The following IQCM variants were observed in gnomAD, a reference collection of about 807,000 sequenced individuals.
The protein encoded by IQCM is IQ motif containing M, also known as IQ domain-containing protein M.
In IQCM, 45 loss-of-function variants were observed where a neutral mutation model predicts 57.6. The observed-to-expected ratio is 0.78, with a 90% CI of 0.62 to 1.00. The LOEUF is 1.00. IQCM is among the 50% of genes least tolerant of loss of function. The pLI is 0.00. For synonymous variants in IQCM, 148 were observed against 158.9 expected, an observed-to-expected ratio of 0.93 and a Z score of 0.51; for missense variants, 468 against 511.6, an observed-to-expected ratio of 0.91 and a Z score of 0.82.
chr4:149,742,944 A>G (rs988487558), intron 2 of IQCM, among the ~76,000 whole-genome samples: 1 of 152,136 alleles, frequency 6.6e-6, no homozygotes, highest in Non-Finnish European at 1.5e-5. Flanking sequence ...TCGAGTACTC[A>G]TATACACATT....
chr4:149,701,543 T>C (rs1404680547), intron 5 of IQCM, among the ~76,000 whole-genome samples: 1 of 152,182 alleles, frequency 6.6e-6, no homozygotes, highest in East Asian at 1.9e-4. Context: ...TGCAATGGTG[T>C]TGTCATTTCT....
At chr4:149,553,808 G>T (rs545925321) in intron 10 of IQCM, among the ~76,000 whole-genome samples, 5 of 152,094 alleles carry the variant, frequency 3.3e-5, no homozygotes, top group African/African-American at 1.2e-4. Context: ...ACCCTTTTCA[G>T]CGTATGTGCA....
intron 8 of IQCM, among the ~76,000 whole-genome samples, chr4:149,590,451 CT>C (rs757743718): frequency 8.6e-5 from 13 of 151,548 alleles, no homozygotes; most frequent in Non-Finnish European, 1.6e-4. Flanking sequence ...CTTCTTTCAA[CT>C]TCTTTTTTTA....
At chr4:149,407,758 T>C (rs904404932) in intron 13 of IQCM, among the ~76,000 whole-genome samples, 2 of 152,164 alleles carry the variant, frequency 1.3e-5, no homozygotes, top group African/African-American at 4.8e-5. Flanking sequence ...TTGGAACAGT[T>C]GATGGACACT....
chr4:149,773,346 C>T (rs1211235007), intron 2 of IQCM, among the ~76,000 whole-genome samples: 4 of 146,404 alleles, frequency 2.7e-5, no homozygotes, highest in Admixed American at 6.9e-5. Flanking sequence ...AGCAAAACTC[C>T]GTCTCAAAAA....
chr4:149,446,120 T>C (rs879464727), intron 12 of IQCM, among the ~76,000 whole-genome samples: 1 of 151,818 alleles, frequency 6.6e-6, no homozygotes, highest in African/African-American at 2.4e-5. Context: ...AATAAAACTG[T>C]CATGTTACTG....
At chr4:149,792,510 C>G (rs908244047) in intron 2 of IQCM, among the ~76,000 whole-genome samples, 3 of 152,114 alleles carry the variant, frequency 2.0e-5, no homozygotes, top group Admixed American at 6.6e-5. Context: ...TATGTTTACA[C>G]CAATTCATCA....
At chr4:149,436,384 T>C (rs985030861) in intron 12 of IQCM, among the ~76,000 whole-genome samples, 1 of 152,094 alleles carries the variant, frequency 6.6e-6, no homozygotes, top group African/African-American at 2.4e-5. Context: ...TAGAAACACA[T>C]GAAGTCAATG....
intron 12 of IQCM, among the ~76,000 whole-genome samples, chr4:149,439,925 T>A (rs1427886581): frequency 6.6e-6 from 1 of 151,560 alleles, no homozygotes; most frequent in Non-Finnish European, 1.5e-5. Context: ...ACCTCACAGG[T>A]CAGATGCACG....
chr4:149,447,029 G>A (rs573147345), intron 12 of IQCM, among the ~76,000 whole-genome samples: 6 of 151,586 alleles, frequency 4.0e-5, no homozygotes, highest in African/African-American at 1.4e-4. Context: ...TCCTGGAGAT[G>A]ATGGCCTACT....
At chr4:149,643,514 G>A (rs1309200437) in intron 7 of IQCM, among the ~76,000 whole-genome samples, 2 of 152,278 alleles carry the variant, frequency 1.3e-5, no homozygotes, top group Middle Eastern at 3.4e-3. Context: ...GGTCCACCAG[G>A]GAGTGAAAGA....
At chr4:149,629,348 A>G (rs1445074343) in intron 7 of IQCM, among the ~76,000 whole-genome samples, 1 of 152,210 alleles carries the variant, frequency 6.6e-6, no homozygotes, top group Non-Finnish European at 1.5e-5. Context: ...TTGTTCTGTC[A>G]TGCACTTGCA....
chr4:149,535,213 T>C (rs529677818), intron 12 of IQCM, among the ~76,000 whole-genome samples: 1 of 152,066 alleles, frequency 6.6e-6, no homozygotes, highest in African/African-American at 2.4e-5. Context: ...TGCATCAAGA[T>C]AAATGCCAGA....
chr4:149,666,748 G>T (rs1420814309), intron 7 of IQCM, among the ~76,000 whole-genome samples: 1 of 152,082 alleles, frequency 6.6e-6, no homozygotes, highest in African/African-American at 2.4e-5. Context: ...GGGGGGAGGG[G>T]TGTCTGCCAT....
intron 12 of IQCM, among the ~76,000 whole-genome samples, chr4:149,518,164 G>A (rs1745187544): frequency 6.6e-6 from 1 of 152,150 alleles, no homozygotes; most frequent in African/African-American, 2.4e-5. Context: ...CACCTACCAT[G>A]AGGCTAAAGC....
intron 7 of IQCM, among the ~76,000 whole-genome samples, chr4:149,674,719 C>A (rs879637835): frequency 6.6e-6 from 1 of 152,036 alleles, no homozygotes; most frequent in Non-Finnish European, 1.5e-5. Flanking sequence ...AATTAAAAAT[C>A]CAGGTGGAAA....
chr4:149,747,935 T>C (rs1355717004), intron 2 of IQCM, among the ~76,000 whole-genome samples: 1 of 152,212 alleles, frequency 6.6e-6, no homozygotes, highest in African/African-American at 2.4e-5. Flanking sequence ...AGGAGCACTG[T>C]GATGAGAGCA....
chr4:149,593,087 G>A (rs1453638205), intron 8 of IQCM, among the ~76,000 whole-genome samples: 1 of 152,100 alleles, frequency 6.6e-6, no homozygotes, highest in Non-Finnish European at 1.5e-5. Context: ...TCCTATCCAT[G>A]AGCATGGCAT....
At chr4:149,687,130 T>C (rs530125629) in intron 5 of IQCM, among the ~76,000 whole-genome samples, 23 of 151,650 alleles carry the variant, frequency 1.5e-4, no homozygotes, top group Non-Finnish European at 2.7e-4. Context: ...CTAGCTCAGA[T>C]ATATTATTAA....
Sources: allele counts gnomAD v4.1 joint callset (sites outside exome capture counted in the v4.1 genomes callset), GRCh38; gene constraint gnomAD v4.1.1; transcripts MANE v1.5; gene names NCBI Gene and HGNC (gene_info 2026-07-23, HGNC 2026-07-21).